RAPSN: variants seen among roughly 807,000 people sequenced by gnomAD.
RAPSN encodes the protein receptor associated protein of the synapse.
Under a neutral mutation model 45.7 loss-of-function variants are expected in RAPSN, and 33 were observed. The ratio of observed to expected loss-of-function variants is 0.72; its 90% CI spans 0.55 to 0.97. The LOEUF is 0.97. Ranked by LOEUF, RAPSN falls within the 50% of genes least tolerant of loss-of-function variation. The pLI, the probability that RAPSN is intolerant of heterozygous loss-of-function variation, is 0.00. For synonymous variants in RAPSN, 244 were observed against 233.6 expected (o/e 1.04, Z -0.40); for missense variants, 519 against 559.4 (o/e 0.93, Z 0.73).
At chr11:47,443,546 G>A (rs965936850) in intron 2 of RAPSN, among the ~76,000 whole-genome samples, 1 of 152,078 alleles carries the variant, frequency 6.6e-6, no homozygotes, top group African/African-American at 2.4e-5. Flanking sequence ...GCCAGCCTCC[G>A]ATGAGCAGTC....
chr11:47,445,424 G>A (rs1289984994), intron 2 of RAPSN, among the ~76,000 whole-genome samples: 3 of 150,636 alleles, frequency 2.0e-5, no homozygotes, highest in African/African-American at 7.3e-5. Flanking sequence ...GTGAAACCCC[G>A]TCTCTACTAA....
chr11:47,438,111 C>A (rs2076328082), intron 7 of RAPSN, 64 bp from the exon 8 acceptor site: 2 of 1,524,180 alleles, frequency 1.3e-6, no homozygotes. Context: ...GCCCTCTCTT[C>A]CTTCCTTGCC....
chr11:47,439,321 A>G (rs1344613568), intron 6 of RAPSN, among the ~76,000 whole-genome samples: 1 of 152,136 alleles, frequency 6.6e-6, no homozygotes, highest in Non-Finnish European at 1.5e-5. Flanking sequence ...TAAAAATACA[A>G]AAATTAGCCG....
intron 2 of RAPSN, among the ~76,000 whole-genome samples, chr11:47,447,222 A>G (rs1374888557): frequency 6.6e-6 from 1 of 152,102 alleles, no homozygotes; most frequent in African/African-American, 2.4e-5. Context: ...TATATTTGAA[A>G]TTATGACACC....
intron 2 of RAPSN, among the ~76,000 whole-genome samples, chr11:47,447,313 T>C (rs942129504): frequency 1.3e-5 from 2 of 152,074 alleles, no homozygotes; most frequent in African/African-American, 4.8e-5. Context: ...TGATCGTCTT[T>C]CTTCTCCAAC....
chr11:47,438,776 G>A lies in RAPSN; in HGVS notation c.1122C>T (p.Asn374=), dbSNP rs1555142289. ...AGCAAGGTAGGGCCTGCAGCCGGCTGTTCTTCTCGCCTATGGACTCGCCGC... is the reference window on the plus strand; with the variant it reads ...AGCAAGGTAGGGCCTGCAGCCGGCTATTCTTCTCGCCTATGGACTCGCCGC... ...GLCGESIGEK[N]SRLQALPCSH... is the part of the protein sequence containing the mutation. The change falls in exon 7 of 8, where the codon AAC becomes AAT. Residue 374 remains asparagine (N), a synonymous_variant. Transcript: ENST00000298854. 6.4e-7 allele frequency: 1 copy of A among 1,566,526 alleles called. No homozygotes were observed. Among genetic ancestry groups the A allele is most frequent in the Admixed American group, 1.8e-5 (1 of 54,788 alleles).
At position 47,438,006 on chromosome 11, in the gene RAPSN, C is replaced by T. The variant is rs1425380499; in HGVS notation, c.1208G>A (p.Arg403His). 6.4e-6 allele frequency: 10 copies of T among 1,550,424 alleles called. No homozygotes were observed. The highest frequency in any genetic ancestry group is 2.4e-5 in the East Asian group (1 of 40,910). ...AAAGCCAGGCTTCATGGATGAGCGG[C>T]GGCAGTTGGGACAGCTCCGGGTCCC... ...NNGTRSCPNC[R>H]RSSMKPGFV Residue 403 changes from arginine (R) to histidine (H), a missense_variant, in exon 8 of 8, where the codon CGC becomes CAC. Coordinates refer to ENST00000298854, the MANE Select transcript of RAPSN (RefSeq NM_005055.5).
chr11:47,437,856 C>T lies in RAPSN; in HGVS notation c.*119G>A, dbSNP rs1013501602. 2.3e-6 allele frequency: 3 copies of T among 1,328,462 alleles called. No homozygotes were observed. Among genetic ancestry groups the T allele is most frequent in the African/African-American group, 1.5e-5 (1 of 68,614 alleles). The allele number at this position is 1,328,462 out of a possible 1,614,324, so 82.3% of individuals were successfully genotyped here. On this transcript the variant is annotated 3_prime_UTR_variant, in exon 8 of 8. Transcript: ENST00000298854. ...CAGGGGAGCAGCCCTGGGCAGGCCC[C>T]AAGGCCTTGGCTATGGTGAGGACGA...
At chr11:47,444,917 A>C (rs1315300707) in intron 2 of RAPSN, among the ~76,000 whole-genome samples, 1 of 150,954 alleles carries the variant, frequency 6.6e-6, no homozygotes, top group Admixed American at 6.6e-5. Flanking sequence ...ATATTACTAC[A>C]ACCACACACA....
At chr11:47,448,289 C>T (rs1362597879) in intron 1 of RAPSN, 139 bp from the exon 2 acceptor site, 4 of 914,626 alleles carry the variant, frequency 4.4e-6, no homozygotes, top group Middle Eastern at 6.0e-4. Context: ...CCCAAAGCTT[C>T]TTTTCAGACC....
At position 47,447,793 on chromosome 11, in the gene RAPSN, C is replaced by G; in HGVS notation, c.531+19G>C. On this transcript the variant is annotated intron_variant, in intron 2 of 7. Coordinates refer to ENST00000298854, the MANE Select transcript of RAPSN (RefSeq NM_005055.5). ...GCCCCAAAACCCTCCACTGCTGTCCCCCTGGGGTGCAGGCCCACCTTGACC... is the reference window on the plus strand; with the variant it reads ...GCCCCAAAACCCTCCACTGCTGTCCGCCTGGGGTGCAGGCCCACCTTGACC... 1 of 1,602,730 alleles carries G rather than the reference C, an allele frequency of 6.2e-7. No individual in the cohort carries two copies. Among genetic ancestry groups the G allele is most frequent in the Non-Finnish European group, 8.5e-7 (1 of 1,175,344 alleles).
intron 7 of RAPSN, 89 bp from the exon 8 acceptor site, chr11:47,438,136 G>A: frequency 7.1e-7 from 1 of 1,417,438 alleles, no homozygotes. Context: ...CTCTGCAGGG[G>A]CTGGGATGCA....
intron 5 of RAPSN, 84 bp from the exon 6 acceptor site, chr11:47,441,296 G>T: frequency 6.4e-7 from 1 of 1,550,552 alleles, no homozygotes; most frequent in Non-Finnish European, 8.8e-7. Context: ...AGGGGGGCAG[G>T]CCTAGGGAGG....
At position 47,438,495 on chromosome 11, in the gene RAPSN, G is replaced by C. The variant is rs146715131; in HGVS notation, c.1166+237C>G. On this transcript the variant is annotated intron_variant, in intron 7 of 7. Coordinates refer to ENST00000298854, the MANE Select transcript of RAPSN (RefSeq NM_005055.5). ...CCACCACCATGCCTGGGTAATTTTT[G>C]TATTTTTAGTAGAGACGGGGTTTCA... The C allele has an allele frequency of 6.7e-4, 387 of 579,098 alleles. No homozygotes were observed. In the Middle Eastern group the frequency reaches 9.1e-3, roughly 14 times the overall value. 35.9% of individuals were successfully genotyped at this position (579,098 alleles called of 1,614,324 possible).
At position 47,448,135 on chromosome 11, in the gene RAPSN, T is replaced by C; in HGVS notation, c.208A>G (p.Ile70Val). Reference protein sequence around the residue: ...KEMLKFAVVQIDTARELEDAD... With the variant: ...KEMLKFAVVQVDTARELEDAD... ...TCCTCCAGCTCCCGGGCCGTGTCGA[T>C]CTGGACCACAGCGAACTGCACACAG... The change falls in exon 2 of 8, where the codon ATC becomes GTC. Residue 70 changes from isoleucine to valine, a missense_variant. Coordinates refer to ENST00000298854, the MANE Select transcript of RAPSN (RefSeq NM_005055.5). 1 of 1,612,210 alleles carries C rather than the reference T, an allele frequency of 6.2e-7. No homozygotes were observed. The highest frequency in any genetic ancestry group is 8.5e-7 in the Non-Finnish European group (1 of 1,179,978).
At position 47,437,860 on chromosome 11, in the gene RAPSN, G is replaced by C. The variant is rs776118455; in HGVS notation, c.*115C>G. ...GGAGCAGCCCTGGGCAGGCCCCAAG[G>C]CCTTGGCTATGGTGAGGACGACCTG... On this transcript the variant is annotated 3_prime_UTR_variant, in exon 8 of 8. Transcript: ENST00000298854. 1.5e-6 allele frequency: 2 copies of C among 1,352,150 alleles called. No homozygotes were observed. The highest frequency in any genetic ancestry group is 2.0e-5 in the Admixed American group (1 of 50,694). 83.8% of individuals were successfully genotyped at this position (1,352,150 alleles called of 1,614,324 possible).
In RAPSN at chr11:47,448,953, G is replaced by A; in HGVS notation, c.12C>T (p.Asp4=). The A allele has an allele frequency of 6.2e-7, 1 of 1,614,230 alleles. No individual in the cohort carries two copies. The highest frequency in any genetic ancestry group is 8.5e-7 in the Non-Finnish European group (1 of 1,180,034). Residue 4 remains aspartate (D), a synonymous_variant, in exon 1 of 8, where the codon GAC becomes GAT. Transcript: ENST00000298854. ...CCTTCTCGATCTGCTGCTTGGTCTG[G>A]TCCTGCCCCATCCTCCCCAAGCCCT... The part of the protein sequence containing the change: MGQ[D]QTKQQIEKGL...
intron 6 of RAPSN, among the ~76,000 whole-genome samples, chr11:47,439,473 TCA>T (rs1491217142): frequency 2.3e-5 from 2 of 87,572 alleles, no homozygotes; most frequent in African/African-American, 6.0e-5. Flanking sequence ...AAACTCCGTC[TCA>T]AAAAAAAATA....
intron 2 of RAPSN, among the ~76,000 whole-genome samples, chr11:47,447,115 CA>C (rs1448248315): frequency 6.6e-6 from 1 of 152,092 alleles, no homozygotes; most frequent in Non-Finnish European, 1.5e-5. Context: ...GGGGCTCGCC[CA>C]TTTTTGCCTA....
Sources: allele counts gnomAD v4.1 joint callset (sites outside exome capture counted in the v4.1 genomes callset), GRCh38; gene constraint gnomAD v4.1.1; transcripts MANE v1.5; gene names NCBI Gene and HGNC (gene_info 2026-07-23, HGNC 2026-07-21).